Variants in TTYH3 observed in about 807,000 individuals in gnomAD.
TTYH3 encodes protein tweety homolog 3.
In TTYH3, 23 loss-of-function variants were observed where a neutral mutation model predicts 68.2. The ratio of observed to expected loss-of-function variants is 0.34; its 90% CI spans 0.24 to 0.48. TTYH3 has a LOEUF of 0.48. Among genes scored for constraint, TTYH3 ranks in the 20% least tolerant of loss-of-function variants. The probability of loss-of-function intolerance (pLI) is 0.99; values close to 1 mark genes in which losing one functional copy is unlikely to be tolerated. For missense variants in TTYH3, 768 were observed against 727.7 expected, an observed-to-expected ratio of 1.06 and a Z score of -0.64; for synonymous variants, 360 against 332.8, an observed-to-expected ratio of 1.08 and a Z score of -0.89.
chr7:2,646,833 C>T lies in TTYH3; in HGVS notation c.124-20C>T, dbSNP rs767369992. 5 of 1,587,830 alleles carry T rather than the reference C, an allele frequency of 3.1e-6. No individual in the cohort carries two copies. Among genetic ancestry groups the T allele is most frequent in the African/African-American group, 1.3e-5 (1 of 74,738 alleles). Reference sequence around the variant, plus strand: ...AGCTGGGGGTCCACCCCTCCAGCGCCGCTTCCTGCCTGCCCTCAGGCCCTG... The same window carrying T: ...AGCTGGGGGTCCACCCCTCCAGCGCTGCTTCCTGCCTGCCCTCAGGCCCTG... On this transcript the variant is annotated intron_variant, in intron 1 of 13. Transcript: ENST00000258796.
At chr7:2,633,779 G>C (rs1188330571) in intron 1 of TTYH3, among the ~76,000 whole-genome samples, 1 of 152,246 alleles carries the variant, frequency 6.6e-6, no homozygotes, top group African/African-American at 2.4e-5. Context: ...TGGGGCGTGG[G>C]GGGCGGCTGT....
chr7:2,656,903 G>C (rs1487904117), intron 11 of TTYH3, among the ~76,000 whole-genome samples: 1 of 152,250 alleles, frequency 6.6e-6, no homozygotes, highest in African/African-American at 2.4e-5. Flanking sequence ...CCCCCACCAT[G>C]GGGTGCAGGT....
chr7:2,648,049 G>A lies in TTYH3; in HGVS notation c.717G>A (p.Leu239=), dbSNP rs1174266430. The change falls in exon 5 of 14, where the codon CTG becomes CTA. Residue 239 remains leucine (L), a synonymous_variant. Transcript: ENST00000258796. ...TCATCCGCAGCTCCAAGGGCATCCT[G>A]GTGGGGTGAGTCTGGGGGTGTCGGC... ...VGLIRSSKGI[L]VGVCLLGVLA... 2 of 1,609,098 alleles carry A rather than the reference G, an allele frequency of 1.2e-6. No homozygotes were observed. Among genetic ancestry groups the A allele is most frequent in the Non-Finnish European group, 1.7e-6 (2 of 1,179,724 alleles).
Position 2,647,432 on chromosome 7 carries a change from G to A in TTYH3, c.420G>A (p.Ala140=), listed in dbSNP as rs1786027872. The stretch of plus-strand genomic sequence containing the variant: ...GTCCGGCGCAGGTGTGGGACACGGC[G>A]GTGGGGCTGAACCACACGGCGGAGC... The part of the protein sequence containing the change: ...AGVQDRVWDT[A]VGLNHTAEPS... The change falls in exon 4 of 14, where the codon GCG becomes GCA. Residue 140 remains alanine (A), a synonymous_variant. Transcript: ENST00000258796. 1.2e-5 allele frequency: 18 copies of A among 1,521,860 alleles called. No homozygotes were observed. Among genetic ancestry groups the A allele is most frequent in the Non-Finnish European group, 1.6e-5 (18 of 1,138,222 alleles). 94.3% of individuals were successfully genotyped at this position (1,521,860 alleles called of 1,614,324 possible).
chr7:2,645,988 A>G lies in TTYH3; in HGVS notation c.124-865A>G. On this transcript the variant is annotated intron_variant, in intron 1 of 13. Transcript: ENST00000258796. The surrounding 1 kb of genome is among the most constrained non-coding windows in gnomAD (Gnocchi z 4.8). ...AGCTGATGCCGGCAGCCCCCTCCCC[A>G]GGGCTTCGCTTCTTCGGGGGAGCAG... 2.9e-6 allele frequency: 1 copy of G among 342,030 alleles called. No individual in the cohort carries two copies. Among genetic ancestry groups the G allele is most frequent in the Non-Finnish European group, 5.9e-6 (1 of 168,212 alleles). The allele number at this position is 342,030 out of a possible 1,614,324, so 21.2% of individuals were successfully genotyped here.
In TTYH3 at chr7:2,646,862, C is replaced by T; in HGVS notation, c.133C>T (p.Leu45Phe). ...EDTDYQQALL[L>F]LGAAALACLA... ...TCCTGCCTGCCCTCAGGCCCTGCTG[C>T]TCCTGGGGGCCGCCGCCCTGGCCTG... Residue 45 changes from leucine (L) to phenylalanine (F), a missense_variant, in exon 2 of 14, where the codon CTC becomes TTC. Leu to Phe is a conservative substitution (Grantham distance 22). Transcript: ENST00000258796. 1 of 1,595,696 alleles carries T rather than the reference C, an allele frequency of 6.3e-7. No individual in the cohort carries two copies.
At chr7:2,660,045 T>C (rs561247704) in intron 13 of TTYH3, 1 of 1,150,020 alleles carries the variant, frequency 8.7e-7, no homozygotes, top group African/African-American at 4.1e-5. Flanking sequence ...CGACAGGTAC[T>C]GACCCACCGG....
At position 2,645,871 on chromosome 7, in the gene TTYH3, T is replaced by C. The variant is rs1785965266; in HGVS notation, c.124-982T>C. The C allele has an allele frequency of 2.1e-6, 1 of 470,572 alleles. No homozygotes were observed. The highest frequency in any genetic ancestry group is 4.4e-6 in the Non-Finnish European group (1 of 226,878). 29.1% of individuals were successfully genotyped at this position (470,572 alleles called of 1,614,324 possible). On this transcript the variant is annotated intron_variant, in intron 1 of 13. Transcript: ENST00000258796. This position sits in a 1 kb window ranked among gnomAD's most constrained non-coding sequence, Gnocchi z 4.8. ...TCAGGACTACAGCTGGGGTGGGGGA[T>C]CCTGCCAGGACTCAGGTAGGAGAGT...
intron 11 of TTYH3, among the ~76,000 whole-genome samples, chr7:2,657,314 GTGATGGTGATGGTGGTAA>G (rs1317047331): frequency 1.3e-5 from 2 of 152,160 alleles, no homozygotes; most frequent in Non-Finnish European, 1.5e-5. Flanking sequence ...AACGATGATG[GTGATGGTGATGGTGGTAA>G]TGATGGTGAT....
rs951928401 is a variant in TTYH3, at chr7:2,664,359, C to T, written c.*2620C>T. On this transcript the variant is annotated 3_prime_UTR_variant, in exon 14 of 14. Coordinates refer to ENST00000258796, the MANE Select transcript of TTYH3 (RefSeq NM_025250.3). Reference sequence around the variant, plus strand: ...AGGGGTGGTGAGGCAGCCCCCTGGACCCCAGAACCCCAGACAAGGGGGCAG... The same window carrying T: ...AGGGGTGGTGAGGCAGCCCCCTGGATCCCAGAACCCCAGACAAGGGGGCAG... The T allele has an allele frequency of 6.6e-6, 1 of 152,626 alleles. No individual in the cohort carries two copies. Among genetic ancestry groups the T allele is most frequent in the Non-Finnish European group, 1.5e-5 (1 of 68,074 alleles). The allele number at this position is 152,626 out of a possible 1,614,324, so 9.5% of individuals were successfully genotyped here. A position where few individuals can be genotyped will look rare whatever the true frequency, so the allele number is the denominator to read the frequency against.
intron 6 of TTYH3, 76 bp from the exon 7 acceptor site, chr7:2,649,837 G>A (rs990723385): frequency 1.3e-6 from 2 of 1,547,384 alleles, no homozygotes; most frequent in Admixed American, 1.7e-5. Flanking sequence ...GACTCCAGGG[G>A]ACGGGTTCTA....
At chr7:2,634,674 G>C (rs1785611900) in intron 1 of TTYH3, among the ~76,000 whole-genome samples, 1 of 152,120 alleles carries the variant, frequency 6.6e-6, no homozygotes, top group Non-Finnish European at 1.5e-5. Flanking sequence ...TGGGAACCCT[G>C]GTGAAACCCC....
chr7:2,652,303 G>A, intron 8 of TTYH3, 61 bp downstream of exon 8: 3 of 1,487,960 alleles, frequency 2.0e-6, no homozygotes, highest in Non-Finnish European at 2.8e-6. Flanking sequence ...TGCTGTGTGT[G>A]GAGGGGCCCA....
At chr7:2,653,858 A>G (rs911310327) in intron 9 of TTYH3, among the ~76,000 whole-genome samples, 1 of 151,956 alleles carries the variant, frequency 6.6e-6, no homozygotes, top group African/African-American at 2.4e-5. Context: ...GCGAGACTCC[A>G]TCTCAAAGAA....
At position 2,664,765 on chromosome 7, in the gene TTYH3, C is replaced by T. The variant is rs927467967; in HGVS notation, c.*3026C>T. 2.6e-5 allele frequency: 4 copies of T among 152,168 alleles called. No individual in the cohort carries two copies. The highest frequency in any genetic ancestry group is 2.6e-4 in the Admixed American group (4 of 15,258). The allele number at this position is 152,168 out of a possible 1,614,324, so 9.4% of individuals were successfully genotyped here. ...TGTAATTTCTGTGGTTTCTATTCAG[C>T]TTGGGTTTCATGTTTTAAAATAAAT... On this transcript the variant is annotated 3_prime_UTR_variant, in exon 14 of 14. Coordinates refer to ENST00000258796, the MANE Select transcript of TTYH3 (RefSeq NM_025250.3).
intron 7 of TTYH3, 80 bp from the exon 8 acceptor site, chr7:2,652,107 C>G: frequency 8.1e-7 from 1 of 1,233,944 alleles, no homozygotes; most frequent in South Asian, 1.2e-5. Flanking sequence ...TGAAGATATG[C>G]GTGCAGACAC....
rs749449508 is a variant in TTYH3 at position 2,645,410 on chromosome 7, G to A, written c.124-1443G>A. 1.2e-4 allele frequency: 20 copies of A among 170,904 alleles called. No individual in the cohort carries two copies. The highest frequency in any genetic ancestry group is 2.3e-4 in the Non-Finnish European group (18 of 78,196). 10.6% of individuals were successfully genotyped at this position (170,904 alleles called of 1,614,324 possible). A position where few individuals can be genotyped will look rare whatever the true frequency, so the allele number is the denominator to read the frequency against. On this transcript the variant is annotated intron_variant, in intron 1 of 13. Coordinates refer to ENST00000258796, the MANE Select transcript of TTYH3 (RefSeq NM_025250.3). The surrounding 1 kb of genome is among the most constrained non-coding windows in gnomAD (Gnocchi z 4.8). ...GGAGAAGGGACAGCTCTGGGGCCACGTTACCCTCCCTCCCCGCAGCGGGTG... is the reference window on the plus strand; with the variant it reads ...GGAGAAGGGACAGCTCTGGGGCCACATTACCCTCCCTCCCCGCAGCGGGTG...
intron 9 of TTYH3, among the ~76,000 whole-genome samples, chr7:2,653,628 C>T (rs971151377): frequency 9.2e-5 from 14 of 152,098 alleles, no homozygotes; most frequent in South Asian, 2.1e-4. Flanking sequence ...TTTGGGAGGC[C>T]GAGGTGGGTG....
chr7:2,647,058 AGAGGGGGCGGCCC>A (rs1408217419), intron 2 of TTYH3, 36 bp downstream of exon 2: 16 of 1,126,124 alleles, frequency 1.4e-5, no homozygotes, highest in African/African-American at 5.4e-5. Flanking sequence ...GGGCGGGGCC[AGAGGGGGCGGCCC>A]GAGGGGGCGG....
Sources: allele counts gnomAD v4.1 joint callset (sites outside exome capture counted in the v4.1 genomes callset), GRCh38; gene constraint gnomAD v4.1.1; non-coding constraint Gnocchi (gnomAD v3.1); transcripts MANE v1.5; gene names NCBI Gene and HGNC (gene_info 2026-07-23, HGNC 2026-07-21).